Variants in IFNG observed in about 807,000 individuals in gnomAD.
IFNG encodes interferon gamma, also known as IFN-gamma.
IFNG carries 8 observed loss-of-function variants against 14.4 expected under a neutral mutation model. The ratio of observed to expected loss-of-function variants is 0.56; its 90% CI spans 0.33 to 1.00. The LOEUF (loss-of-function observed/expected upper bound fraction) is 1.00. Among genes scored for constraint, IFNG ranks in the 50% least tolerant of loss-of-function variants. IFNG has a pLI of 0.03. For missense variants in IFNG, 132 were observed against 194.9 expected, an observed-to-expected ratio of 0.68 and a Z score of 1.92; for synonymous variants, 73 against 65.4, an observed-to-expected ratio of 1.12 and a Z score of -0.56.
rs886049802 is a variant in IFNG at position 68,159,617 on chromosome 12, G to A, written c.-2C>T. 5.2e-6 allele frequency: 8 copies of A among 1,525,080 alleles called. No homozygotes were observed. Among genetic ancestry groups the A allele is most frequent in the East Asian group, 4.5e-5 (2 of 44,322 alleles). 94.5% of individuals were successfully genotyped at this position (1,525,080 alleles called of 1,614,324 possible). A position where few individuals can be genotyped will look rare whatever the true frequency, so the allele number is the denominator to read the frequency against. On this transcript the variant is annotated 5_prime_UTR_variant, in exon 1 of 4. In the 5' UTR this introduces an upstream ATG that the reference lacks. Transcript: ENST00000229135. ...CAAGATATAACTTGTATATTTCATC[G>A]TTTCCGAGAGAATTAAGCCAAAGAA... is the stretch of plus-strand genomic sequence containing the variant.
At position 68,158,394 on chromosome 12, in the gene IFNG, A is replaced by G. The variant is rs533256939; in HGVS notation, c.115-135T>C. The G allele has an allele frequency of 9.5e-5, 59 of 620,122 alleles. No homozygotes were observed. In the African/African-American group the frequency reaches 1.0e-3, roughly 11 times the overall value. 38.4% of individuals were successfully genotyped at this position (620,122 alleles called of 1,614,324 possible). On this transcript the variant is annotated intron_variant, in intron 1 of 3. Transcript: ENST00000229135. The stretch of plus-strand genomic sequence containing the variant: ...TTCAACTCTTCTGCTTAGTTCTAAC[A>G]ATAAGTATTCCCAAAAGGCTTATGT...
intron 1 of IFNG, among the ~76,000 whole-genome samples, chr12:68,158,615 A>C (rs943877252): frequency 2.6e-5 from 4 of 152,066 alleles, no homozygotes; most frequent in Non-Finnish European, 5.9e-5. Context: ...CCCACTATAA[A>C]ATACTGCCCC....
In IFNG at chr12:68,155,409, T is replaced by C. The variant is rs1882585702; in HGVS notation, c.445A>G (p.Thr149Ala). 6.2e-7 allele frequency: 1 copy of C among 1,612,364 alleles called. No individual in the cohort carries two copies. Among genetic ancestry groups the C allele is most frequent in the East Asian group, 2.2e-5 (1 of 44,748 alleles). ...ATCTGACTCCTTTTTCGCTTCCCTG[T>C]TTTAGCTGCTGGCGACAGTTCAGCC... ...VMAELSPAAK[T>A]GKRKRSQMLF... The change falls in exon 4 of 4, where the codon ACA (threonine) becomes GCA (alanine). Residue 149 changes from threonine to alanine, a missense_variant. Thr to Ala is a moderately conservative substitution (Grantham distance 58). Transcript: ENST00000229135.
chr12:68,159,404 C>T lies in IFNG; in HGVS notation c.114+98G>A, dbSNP rs1445602012. The stretch of plus-strand genomic sequence containing the variant: ...AAAATAACACCAAATCTCAAAATGA[C>T]TGCCTACAAGAGATGACAGCCTATC... On this transcript the variant is annotated intron_variant, in intron 1 of 3. Transcript: ENST00000229135. 2 of 586,772 alleles carry T rather than the reference C, an allele frequency of 3.4e-6. 1 individual carries two copies. 36.3% of individuals were successfully genotyped at this position (586,772 alleles called of 1,614,324 possible). A position where few individuals can be genotyped will look rare whatever the true frequency, so the allele number is the denominator to read the frequency against.
At chr12:68,159,121 A>G (rs1185782403) in intron 1 of IFNG, among the ~76,000 whole-genome samples, 1 of 152,160 alleles carries the variant, frequency 6.6e-6, no homozygotes, top group Non-Finnish European at 1.5e-5. Flanking sequence ...TTACCTTTTT[A>G]ATGCTAATCT....
chr12:68,157,769 TGGAAATAGTAA>T, intron 3 of IFNG, 133 bp downstream of exon 3: 10 of 590,872 alleles, frequency 1.7e-5, no homozygotes, highest in Non-Finnish European at 2.6e-5. Flanking sequence ...CAAACACGAA[TGGAAATAGTAA>T]GGTAGAGTTT....
chr12:68,158,805 T>C (rs1468140777), intron 1 of IFNG, among the ~76,000 whole-genome samples: 8 of 152,146 alleles, frequency 5.3e-5, no homozygotes, highest in Admixed American at 5.2e-4. Flanking sequence ...TTATGACAGC[T>C]ATAATTATAA....
At position 68,155,390 on chromosome 12, in the gene IFNG, C is replaced by T. The variant is rs1882585253; in HGVS notation, c.464G>A (p.Ser155Asn). 1 of 1,611,640 alleles carries T rather than the reference C, an allele frequency of 6.2e-7. No homozygotes were observed. Among genetic ancestry groups the T allele is most frequent in the African/African-American group, 1.3e-5 (1 of 74,838 alleles). The change falls in exon 4 of 4, where the codon AGT (serine) becomes AAT (asparagine). Residue 155 changes from serine to asparagine, a missense_variant. Ser to Asn is a conservative substitution (Grantham distance 46, BLOSUM62 1). Coordinates refer to ENST00000229135, the MANE Select transcript of IFNG (RefSeq NM_000619.3). ...PAAKTGKRKRSQMLFRGRRAS... is the reference protein window; with the variant it reads ...PAAKTGKRKRNQMLFRGRRAS... ...TCTTCGACCTCGAAACAGCATCTGA[C>T]TCCTTTTTCGCTTCCCTGTTTTAGC...
rs1427445076 is a variant in IFNG, at chr12:68,158,051, G to A, written c.228C>T (p.Tyr76=). The part of the protein sequence containing the change: ...KIMQSQIVSF[Y]FKLFKNFKDD... ...CTTTAAAGTTTTTAAAAAGTTTGAAGTAAAAGGAGACAATTTGGCTCTGCA... is the reference window on the plus strand; with the variant it reads ...CTTTAAAGTTTTTAAAAAGTTTGAAATAAAAGGAGACAATTTGGCTCTGCA... Residue 76 remains tyrosine, a synonymous_variant, in exon 3 of 4, where the codon TAC becomes TAT. Coordinates refer to ENST00000229135, the MANE Select transcript of IFNG (RefSeq NM_000619.3). 5 of 1,608,210 alleles carry A rather than the reference G, an allele frequency of 3.1e-6. No individual in the cohort carries two copies. The highest frequency in any genetic ancestry group is 3.4e-5 in the Admixed American group (2 of 59,696).
At position 68,155,227 on chromosome 12, in the gene IFNG, C is replaced by T; in HGVS notation, c.*126G>A. 1 of 552,712 alleles carries T rather than the reference C, an allele frequency of 1.8e-6. No homozygotes were observed. Among genetic ancestry groups the T allele is most frequent in the South Asian group, 3.9e-5 (1 of 25,490 alleles). The allele number at this position is 552,712 out of a possible 1,614,324, so 34.2% of individuals were successfully genotyped here. ...TTAATAGATATTCATTTTCATTACA[C>T]AAAAGTTGCTATTATAAATACTTAT... On this transcript the variant is annotated 3_prime_UTR_variant, in exon 4 of 4. Coordinates refer to ENST00000229135, the MANE Select transcript of IFNG (RefSeq NM_000619.3).
intron 3 of IFNG, among the ~76,000 whole-genome samples, chr12:68,156,451 A>AC (rs2069733): frequency 0.83 from 125,977 of 152,022 alleles, 53,003 homozygotes; most frequent in East Asian, 1. Context: ...CACTATGGCT[A>AC]CTCACCACAT....
chr12:68,158,978 G>A (rs1316471771), intron 1 of IFNG, among the ~76,000 whole-genome samples: 4 of 152,148 alleles, frequency 2.6e-5, no homozygotes, highest in Admixed American at 6.5e-5. Context: ...ACGAAGTTCC[G>A]GAATACTTCA....
At chr12:68,158,522 A>G (rs930409548) in intron 1 of IFNG, among the ~76,000 whole-genome samples, 2 of 152,152 alleles carry the variant, frequency 1.3e-5, no homozygotes, top group Non-Finnish European at 2.9e-5. Context: ...TGATACTCCA[A>G]AGGTCCCAAA....
At position 68,155,320 on chromosome 12, in the gene IFNG, T is replaced by C; in HGVS notation, c.*33A>G. On this transcript the variant is annotated 3_prime_UTR_variant, in exon 4 of 4. Transcript: ENST00000229135. ...TTAAATATTAATAAATAGATTTAGA[T>C]TTAAAATTCAAATATTGCAGGCAGG... is the stretch of plus-strand genomic sequence containing the variant. 6.7e-7 allele frequency: 1 copy of C among 1,494,508 alleles called. No individual in the cohort carries two copies. Among genetic ancestry groups the C allele is most frequent in the Non-Finnish European group, 9.0e-7 (1 of 1,106,468 alleles). 92.6% of individuals were successfully genotyped at this position (1,494,508 alleles called of 1,614,324 possible).
At chr12:68,157,835 A>G in intron 3 of IFNG, 78 bp downstream of exon 3, 2 of 1,019,808 alleles carry the variant, frequency 2.0e-6, no homozygotes, top group South Asian at 3.4e-5. Context: ...TTAAATAGCT[A>G]ATGTCTACTT....
rs941852429 is a variant in IFNG at position 68,155,431 on chromosome 12, A to G, written c.423T>C (p.Ala141=). Residue 141 remains alanine, a synonymous_variant, in exon 4 of 4, where the codon GCT becomes GCC. Transcript: ENST00000229135. Reference sequence around the variant, plus strand: ...CTGTTTTAGCTGCTGGCGACAGTTCAGCCATCACTTGGATGAGTTCATGTA... The same window carrying G: ...CTGTTTTAGCTGCTGGCGACAGTTCGGCCATCACTTGGATGAGTTCATGTA... ...KAIHELIQVM[A]ELSPAAKTGK... 4.3e-6 allele frequency: 7 copies of G among 1,612,384 alleles called. No individual in the cohort carries two copies. The African/African-American group carries it at 9.4e-5, about 22-fold the overall frequency.
At chr12:68,157,729 C>T (rs377430348) in intron 3 of IFNG, among the ~76,000 whole-genome samples, 184 bp downstream of exon 3, 3 of 152,208 alleles carry the variant, frequency 2.0e-5, no homozygotes, top group Non-Finnish European at 2.9e-5. Context: ...CATACTTCAG[C>T]GATTCTCTTA....
At chr12:68,157,209 C>A (rs890573385) in intron 3 of IFNG, among the ~76,000 whole-genome samples, 4 of 152,268 alleles carry the variant, frequency 2.6e-5, no homozygotes, top group Admixed American at 2.6e-4. Flanking sequence ...GGTATAAATT[C>A]TATCTATTTT....
intron 3 of IFNG, among the ~76,000 whole-genome samples, chr12:68,155,791 T>C (rs2120739852): frequency 6.6e-6 from 1 of 152,316 alleles, no homozygotes; most frequent in Non-Finnish European, 1.5e-5. Flanking sequence ...TTGAATCTCA[T>C]GCATGCAATA....
Sources: allele counts gnomAD v4.1 joint callset (sites outside exome capture counted in the v4.1 genomes callset), GRCh38; gene constraint gnomAD v4.1.1; transcripts MANE v1.5; gene names NCBI Gene and HGNC (gene_info 2026-07-23, HGNC 2026-07-21).